SOX6: variants seen among roughly 807,000 people sequenced by gnomAD.
SOX6 encodes the protein SRY-box transcription factor 6.
In SOX6, 11 loss-of-function variants were observed where a neutral mutation model predicts 97.8. The observed-to-expected ratio is 0.11, with a 90% CI of 0.07 to 0.19. The LOEUF is 0.19. Ranked by LOEUF, SOX6 falls within the 10% of genes least tolerant of loss-of-function variation. SOX6 has a pLI of 1.00. For synonymous variants in SOX6, 360 were observed against 371.4 expected (o/e 0.97, Z 0.35); for missense variants, 810 against 1,039.5 (o/e 0.78, Z 3.04).
At chr11:16,309,650 C>T (rs1855538833) in intron 3 of SOX6, among the ~76,000 whole-genome samples, 1 of 151,874 alleles carries the variant, frequency 6.6e-6, no homozygotes, top group South Asian at 2.1e-4. Flanking sequence ...TTTGTTTTAC[C>T]TTTATGGTTT....
chr11:16,457,267 G>T (rs1859827294), intron 1 of SOX6, among the ~76,000 whole-genome samples: 1 of 151,956 alleles, frequency 6.6e-6, no homozygotes, highest in Non-Finnish European at 1.5e-5. Context: ...AATGATGTAG[G>T]CCTCCTTAGT....
intron 1 of SOX6, among the ~76,000 whole-genome samples, chr11:16,369,262 G>A (rs927425737): frequency 3.3e-5 from 5 of 152,060 alleles, no homozygotes; most frequent in Non-Finnish European, 7.4e-5. Flanking sequence ...CCCTATTCAA[G>A]TAATTCCTCA....
chr11:16,551,489 C>T (rs1426023761), intron 4 of SOX6, among the ~76,000 whole-genome samples: 2 of 152,110 alleles, frequency 1.3e-5, no homozygotes, highest in Non-Finnish European at 2.9e-5. Flanking sequence ...ACAAGTCACA[C>T]ATTTTAAATA....
intron 6 of SOX6, among the ~76,000 whole-genome samples, chr11:16,177,668 T>C (rs1851236412): frequency 6.6e-6 from 1 of 151,256 alleles, no homozygotes; most frequent in South Asian, 2.1e-4. Context: ...TCTCTCTCTC[T>C]GATTTTAGTA....
intron 4 of SOX6, among the ~76,000 whole-genome samples, chr11:16,217,452 C>T (rs2134151857): frequency 6.6e-6 from 1 of 152,112 alleles, no homozygotes; most frequent in East Asian, 1.9e-4. Flanking sequence ...ATAATATGGT[C>T]AGAGGTATAT....
intron 6 of SOX6, among the ~76,000 whole-genome samples, chr11:16,157,763 A>ATTTGTAG (rs1176478753): frequency 6.6e-6 from 1 of 151,984 alleles, no homozygotes; most frequent in East Asian, 1.9e-4. Flanking sequence ...AAATGAATTT[A>ATTTGTAG]TTTGTAGTTC....
At chr11:16,692,583 A>G (rs1033283435) in intron 3 of SOX6, among the ~76,000 whole-genome samples, 1 of 152,216 alleles carries the variant, frequency 6.6e-6, no homozygotes, top group African/African-American at 2.4e-5. Flanking sequence ...ACAGTTTACC[A>G]ACTTTTGAAC....
chr11:16,320,126 C>A (rs1855871914), intron 2 of SOX6, among the ~76,000 whole-genome samples: 1 of 152,086 alleles, frequency 6.6e-6, no homozygotes, highest in Non-Finnish European at 1.5e-5. Flanking sequence ...CATAGCCCTT[C>A]AGCAGCCTTG....
chr11:16,198,814 T>G (rs929010889), intron 4 of SOX6, among the ~76,000 whole-genome samples: 1 of 152,202 alleles, frequency 6.6e-6, no homozygotes, highest in African/African-American at 2.4e-5. Flanking sequence ...CCTACTACAC[T>G]CTCTTTGCTC....
At chr11:16,579,303 TGAAATGCA>T (rs886581071) in intron 4 of SOX6, among the ~76,000 whole-genome samples, 4 of 151,864 alleles carry the variant, frequency 2.6e-5, no homozygotes, top group African/African-American at 9.7e-5. Flanking sequence ...ATAAAAACAG[TGAAATGCA>T]CTAATCCTAA....
intron 4 of SOX6, among the ~76,000 whole-genome samples, chr11:16,207,328 C>T (rs1276832036): frequency 6.6e-6 from 1 of 152,094 alleles, no homozygotes; most frequent in Admixed American, 6.5e-5. Context: ...TTCGGCTGGG[C>T]GCGGTGGCTC....
intron 4 of SOX6, among the ~76,000 whole-genome samples, chr11:16,232,799 G>A (rs552797471): frequency 1.3e-5 from 2 of 152,200 alleles, no homozygotes; most frequent in African/African-American, 2.4e-5. Context: ...ACAGAATGAC[G>A]TGCAAAGTAG....
At chr11:16,668,217 T>C (rs1590045363) in intron 3 of SOX6, among the ~76,000 whole-genome samples, 1 of 151,776 alleles carries the variant, frequency 6.6e-6, no homozygotes, top group African/African-American at 2.4e-5. Flanking sequence ...CACTAAAAAA[T>C]ACAAAAATTA....
At chr11:16,463,463 G>C (rs1023305710) in intron 1 of SOX6, among the ~76,000 whole-genome samples, 31 of 152,142 alleles carry the variant, frequency 2.0e-4, no homozygotes, top group African/African-American at 7.5e-4. Flanking sequence ...AGGCAAAAAA[G>C]AAATCAGAAT....
intron 13 of SOX6, among the ~76,000 whole-genome samples, chr11:15,990,443 T>G (rs1367064695): frequency 6.6e-6 from 1 of 151,716 alleles, no homozygotes; most frequent in Non-Finnish European, 1.5e-5. Flanking sequence ...AGTAACATAC[T>G]AGATTGAAAG....
At chr11:16,305,945 G>T (rs1307645906) in intron 3 of SOX6, among the ~76,000 whole-genome samples, 1 of 152,146 alleles carries the variant, frequency 6.6e-6, no homozygotes. Flanking sequence ...GGTGAGGGAT[G>T]CTGGCATTGA....
Position 16,372,284 on chromosome 11 carries a change from C to T in SOX6, c.-4-31032G>A, listed in dbSNP as rs563116031. On this transcript the variant is annotated intron_variant, in intron 1 of 15. Coordinates refer to the SOX6 transcript ENST00000396356. ...AGCAAGTTATTCAATTCTGCATCCT[C>T]ATCACACTAACTAGGTATGATACTA... Among the ~76,000 whole-genome samples, 7 of 152,140 alleles carry T rather than the reference C, an allele frequency of 4.6e-5. No individual in the cohort carries two copies. In the South Asian group the frequency reaches 1.4e-3, roughly 32 times the overall value.
chr11:16,342,376 G>A (rs892164002), intron 1 of SOX6, among the ~76,000 whole-genome samples: 3 of 151,782 alleles, frequency 2.0e-5, no homozygotes, highest in African/African-American at 7.2e-5. Context: ...TGTAATGAAA[G>A]GAATAAAATC....
At chr11:16,159,052 T>C (rs1485354511) in intron 6 of SOX6, among the ~76,000 whole-genome samples, 1 of 152,134 alleles carries the variant, frequency 6.6e-6, no homozygotes, top group East Asian at 1.9e-4. Flanking sequence ...ACAATGCAAA[T>C]AGTCCCAATA....
Sources: gnomAD v4.1 joint callset for allele counts (sites outside exome capture counted in the v4.1 genomes callset) on GRCh38, gnomAD v4.1.1 for gene constraint, MANE v1.5 for transcripts, NCBI Gene and HGNC (gene_info 2026-07-23, HGNC 2026-07-21) for gene names.